The following SDK1 variants were observed in gnomAD, a reference collection of about 807,000 sequenced individuals.
SDK1 encodes the protein sidekick cell adhesion molecule 1.
Under a neutral mutation model 245.5 loss-of-function variants are expected in SDK1, and 157 were observed. The ratio of observed to expected loss-of-function variants is 0.64; its 90% confidence interval spans 0.56 to 0.73. The LOEUF is 0.73. Ranked by LOEUF, SDK1 falls within the 30% of genes least tolerant of loss-of-function variation. The pLI, the probability that SDK1 is intolerant of heterozygous loss-of-function variation, is 0.00. For missense variants in SDK1, 3,583 were observed against 3,002.3 expected, an observed-to-expected ratio of 1.19 and a Z score of -4.52; for synonymous variants, 1,647 against 1,278.5, an observed-to-expected ratio of 1.29 and a Z score of -6.15.
chr7:3,306,937 A>G (rs1351517725), intron 1 of SDK1, among the ~76,000 whole-genome samples: 1 of 152,172 alleles, frequency 6.6e-6, no homozygotes, highest in East Asian at 1.9e-4. Flanking sequence ...TTTCTCTAAG[A>G]AGTAAAGAAA....
intron 5 of SDK1, among the ~76,000 whole-genome samples, chr7:3,839,620 A>T (rs1055900458): frequency 6.6e-6 from 1 of 152,228 alleles, no homozygotes; most frequent in Non-Finnish European, 1.5e-5. Context: ...CACTTTTTCA[A>T]TTTACCTAGA....
intron 35 of SDK1, among the ~76,000 whole-genome samples, chr7:4,202,545 T>G (rs1783948890): frequency 6.6e-6 from 1 of 152,134 alleles, no homozygotes; most frequent in Non-Finnish European, 1.5e-5. Context: ...CCTCCCTCAG[T>G]TGGAGCGACC....
chr7:3,786,158 T>G (rs926434352), intron 4 of SDK1, among the ~76,000 whole-genome samples: 2 of 152,094 alleles, frequency 1.3e-5, no homozygotes, highest in African/African-American at 4.8e-5. Flanking sequence ...TTTATCTCTT[T>G]TACTCTTTCC....
intron 9 of SDK1, among the ~76,000 whole-genome samples, chr7:3,965,461 A>G (rs895833396): frequency 6.6e-6 from 1 of 152,202 alleles, no homozygotes; most frequent in Non-Finnish European, 1.5e-5. Flanking sequence ...GATTGTGATT[A>G]TGTTATCTGT....
chr7:4,119,333 TA>T (rs1783916097), intron 25 of SDK1, among the ~76,000 whole-genome samples: 1 of 147,982 alleles, frequency 6.8e-6, no homozygotes, highest in Non-Finnish European at 1.5e-5. Context: ...CACATGCCTG[TA>T]GTCCCAGCTA....
At chr7:3,933,123 CTTTTTTTTTTTT>C (rs11364780) in intron 5 of SDK1, among the ~76,000 whole-genome samples, 4 of 83,260 alleles carry the variant, frequency 4.8e-5, no homozygotes, top group African/African-American at 1.7e-4. Context: ...GCTCCTGGAT[CTTTTTTTTTTTT>C]TTTTTTTTTT....
At chr7:3,581,347 A>T (rs1045307899) in intron 1 of SDK1, among the ~76,000 whole-genome samples, 4 of 152,240 alleles carry the variant, frequency 2.6e-5, no homozygotes, top group African/African-American at 9.6e-5. Context: ...AAGGACATGA[A>T]CAGAAACTTT....
At chr7:3,687,661 G>A (rs897470254) in intron 4 of SDK1, among the ~76,000 whole-genome samples, 3 of 152,164 alleles carry the variant, frequency 2.0e-5, no homozygotes, top group African/African-American at 7.2e-5. Context: ...ATGGCATTGT[G>A]GGAATGACAG....
chr7:3,804,197 C>A (rs1213564712), intron 4 of SDK1, among the ~76,000 whole-genome samples: 3 of 152,136 alleles, frequency 2.0e-5, no homozygotes, highest in Non-Finnish European at 4.4e-5. Flanking sequence ...TCTCTGATAT[C>A]TTCTCCTAAA....
chr7:3,597,527 G>A (rs901967862), intron 1 of SDK1, among the ~76,000 whole-genome samples: 3 of 152,112 alleles, frequency 2.0e-5, no homozygotes, highest in Admixed American at 1.3e-4. Context: ...TTGCTTTTTC[G>A]AAAGTGTTAG....
At chr7:3,983,359 C>A (rs1047678818) in intron 13 of SDK1, among the ~76,000 whole-genome samples, 6 of 152,150 alleles carry the variant, frequency 3.9e-5, no homozygotes, top group African/African-American at 9.7e-5. Flanking sequence ...GAAGAAATTG[C>A]CACAGTCCCC....
At chr7:3,650,695 C>G (rs183716182) in intron 4 of SDK1, among the ~76,000 whole-genome samples, 1 of 152,260 alleles carries the variant, frequency 6.6e-6, no homozygotes, top group Non-Finnish European at 1.5e-5. Context: ...ATGGCCATAA[C>G]TACTTTCCTC....
At chr7:3,425,093 T>C (rs895358901) in intron 1 of SDK1, among the ~76,000 whole-genome samples, 4 of 146,680 alleles carry the variant, frequency 2.7e-5, no homozygotes, top group Non-Finnish European at 4.5e-5. Flanking sequence ...TTTTTCAAAC[T>C]TGAGAGTCAT....
In SDK1 at chr7:4,026,225, A is replaced by T. The variant is rs1054598591; in HGVS notation, c.2602+8873A>T. Among the ~76,000 whole-genome samples, 3 of 152,218 alleles carry T rather than the reference A, an allele frequency of 2.0e-5. No individual in the cohort carries two copies. Among genetic ancestry groups the T allele is most frequent in the African/African-American group, 7.2e-5 (3 of 41,464 alleles). On this transcript the variant is annotated intron_variant, in intron 17 of 44. Transcript: ENST00000404826. This position sits in a 1 kb window ranked among gnomAD's most constrained non-coding sequence, Gnocchi z 4.1. ...AACATGCAATTTTCAGATGCGGAGA[A>T]TGCAGAGACAGGGCATGGGAAGTGG... is the stretch of plus-strand genomic sequence containing the variant.
In SDK1 at chr7:4,210,150, G is replaced by A. The variant is rs1393321136; in HGVS notation, c.5527G>A (p.Ala1843Thr). The A allele has an allele frequency of 1.9e-6, 3 of 1,578,596 alleles. No homozygotes were observed. Among genetic ancestry groups the A allele is most frequent in the Admixed American group, 3.8e-5 (2 of 52,394 alleles). The stretch of plus-strand genomic sequence containing the variant: ...CTATCGGGTGGTGTACGAGCCCTTG[G>A]CCCCTGTACAAGGTAAGACCCGGGG... ...QGYRVVYEPLAPVQGVSKVVT... is the reference protein window; with the variant it reads ...QGYRVVYEPLTPVQGVSKVVT... Residue 1843 changes from alanine (A) to threonine (T), a missense_variant, in exon 38 of 45, where the codon GCC (alanine) becomes ACC (threonine). Coordinates refer to ENST00000404826, the MANE Select transcript of SDK1 (RefSeq NM_152744.4).
chr7:3,569,803 G>A (rs537102958), intron 1 of SDK1, among the ~76,000 whole-genome samples: 3 of 152,128 alleles, frequency 2.0e-5, no homozygotes, highest in South Asian at 4.2e-4. Context: ...GTTAACTTTC[G>A]GAGGAAAAAT....
At chr7:4,124,988 TGATA>T (rs1475806266) in intron 25 of SDK1, among the ~76,000 whole-genome samples, 1 of 146,142 alleles carries the variant, frequency 6.8e-6, no homozygotes, top group Non-Finnish European at 1.5e-5. Context: ...TATGGATGGA[TGATA>T]GATGGATGAG....
At chr7:3,755,421 A>C (rs1779893051) in intron 4 of SDK1, among the ~76,000 whole-genome samples, 1 of 152,134 alleles carries the variant, frequency 6.6e-6, no homozygotes, top group African/African-American at 2.4e-5. Context: ...CGGTCTGGCC[A>C]TTGTCTGTCT....
At chr7:4,071,991 A>G (rs1473172538) in intron 20 of SDK1, among the ~76,000 whole-genome samples, 1 of 152,230 alleles carries the variant, frequency 6.6e-6, no homozygotes. Flanking sequence ...TAAAGCTGAA[A>G]GAAAAAAATC....
Sources: allele counts gnomAD v4.1 joint callset (sites outside exome capture counted in the v4.1 genomes callset), GRCh38; gene constraint gnomAD v4.1.1; non-coding constraint Gnocchi (gnomAD v3.1); transcripts MANE v1.5; gene names NCBI Gene and HGNC (gene_info 2026-07-23, HGNC 2026-07-21).